Variants in CNTNAP2 observed in about 807,000 individuals in gnomAD.
CNTNAP2 encodes the protein contactin associated protein 2.
Under a neutral mutation model 155.2 loss-of-function variants are expected in CNTNAP2, and 98 were observed. That is an observed-to-expected ratio of 0.63 (90% confidence interval 0.54 to 0.75). The LOEUF (loss-of-function observed/expected upper bound fraction) is 0.75. Ranked by LOEUF, CNTNAP2 falls within the 30% of genes least tolerant of loss-of-function variation. The pLI is 0.00. For synonymous variants in CNTNAP2, 651 were observed against 631.2 expected (o/e 1.03, Z -0.47); for missense variants, 1,727 against 1,688.1 (o/e 1.02, Z -0.40).
intron 10 of CNTNAP2, among the ~76,000 whole-genome samples, chr7:147,445,981 G>T (rs1036437858): frequency 6.6e-6 from 1 of 151,982 alleles, no homozygotes; most frequent in African/African-American, 2.4e-5. Context: ...GGTTCTGAGT[G>T]GTTGTAGGAG....
chr7:146,206,192 T>C (rs148536630), intron 1 of CNTNAP2, among the ~76,000 whole-genome samples: 1,521 of 151,898 alleles, frequency 0.01, 85 homozygotes, highest in Admixed American at 0.091. Context: ...AAAGAAAGAG[T>C]GTGTTGAACC....
intron 1 of CNTNAP2, among the ~76,000 whole-genome samples, chr7:146,246,122 A>T (rs981456107): frequency 1.1e-4 from 17 of 151,720 alleles, no homozygotes; most frequent in African/African-American, 4.1e-4. Context: ...ATGCTATGGG[A>T]TGTGATATTG....
chr7:147,626,504 C>T (rs2116901709), intron 12 of CNTNAP2, among the ~76,000 whole-genome samples: 1 of 152,290 alleles, frequency 6.6e-6, no homozygotes, highest in East Asian at 1.9e-4. Context: ...CTCAGACCTG[C>T]ATAACCCTGC....
At chr7:146,198,229 C>T (rs1002089813) in intron 1 of CNTNAP2, among the ~76,000 whole-genome samples, 1 of 152,056 alleles carries the variant, frequency 6.6e-6, no homozygotes, top group Non-Finnish European at 1.5e-5. Context: ...CAGAAATATA[C>T]CCCATTTTGG....
intron 10 of CNTNAP2, among the ~76,000 whole-genome samples, chr7:147,453,824 AT>A (rs1188900424): frequency 6.6e-6 from 1 of 152,154 alleles, no homozygotes; most frequent in East Asian, 1.9e-4. Flanking sequence ...TCTTTAATGT[AT>A]TTTTAAATGA....
intron 22 of CNTNAP2, among the ~76,000 whole-genome samples, chr7:148,393,651 CAAA>C (rs1339030323): frequency 6.6e-6 from 1 of 152,148 alleles, no homozygotes; most frequent in Non-Finnish European, 1.5e-5. Flanking sequence ...GATACTACTA[CAAA>C]CCATCCTCTA....
intron 10 of CNTNAP2, among the ~76,000 whole-genome samples, chr7:147,465,582 A>T (rs1471857429): frequency 1.3e-5 from 2 of 152,264 alleles, no homozygotes; most frequent in African/African-American, 4.8e-5. Context: ...CAAATTGCTC[A>T]ATTTAAGCAT....
At chr7:146,246,878 C>A (rs568641123) in intron 1 of CNTNAP2, among the ~76,000 whole-genome samples, 66 of 152,276 alleles carry the variant, frequency 4.3e-4, no homozygotes, top group Admixed American at 7.2e-4. Flanking sequence ...GGAGGAACGC[C>A]TGGTCGCTGC....
chr7:147,449,447 C>A (rs1461629659), intron 10 of CNTNAP2, among the ~76,000 whole-genome samples: 1 of 151,968 alleles, frequency 6.6e-6, no homozygotes, highest in Non-Finnish European at 1.5e-5. Flanking sequence ...AGTGAGTTGA[C>A]TATAATGGTT....
intron 9 of CNTNAP2, among the ~76,000 whole-genome samples, chr7:147,382,875 CAAG>C (rs1434686104): frequency 1.3e-5 from 2 of 152,070 alleles, no homozygotes; most frequent in African/African-American, 2.4e-5. Context: ...GATAAATTAT[CAAG>C]AAGAGAGTGG....
At chr7:147,187,723 G>T (rs996064906) in intron 8 of CNTNAP2, among the ~76,000 whole-genome samples, 1 of 152,076 alleles carries the variant, frequency 6.6e-6, no homozygotes. Flanking sequence ...ACCTGCATCT[G>T]TACCCCTGAA....
chr7:147,491,932 T>G (rs553901362), intron 11 of CNTNAP2, among the ~76,000 whole-genome samples: 1 of 152,350 alleles, frequency 6.6e-6, no homozygotes, highest in Non-Finnish European at 1.5e-5. Context: ...TCTACATATT[T>G]CAAATTATCT....
intron 1 of CNTNAP2, among the ~76,000 whole-genome samples, chr7:146,522,681 A>G (rs1405917706): frequency 2.0e-5 from 3 of 151,804 alleles, no homozygotes; most frequent in African/African-American, 7.2e-5. Context: ...ATATAAGGAA[A>G]GAAAATTAGC....
At chr7:148,206,494 A>C (rs1795451854) in intron 18 of CNTNAP2, among the ~76,000 whole-genome samples, 1 of 152,124 alleles carries the variant, frequency 6.6e-6, no homozygotes, top group Non-Finnish European at 1.5e-5. Context: ...AAAAAATTTT[A>C]AAATAAGGGA....
At chr7:146,172,927 G>A (rs887317488) in intron 1 of CNTNAP2, among the ~76,000 whole-genome samples, 2 of 152,150 alleles carry the variant, frequency 1.3e-5, no homozygotes, top group African/African-American at 4.8e-5. Flanking sequence ...AACCTGAGAG[G>A]TCCTGAAGTA....
chr7:146,125,453 G>A (rs1269668547), intron 1 of CNTNAP2, among the ~76,000 whole-genome samples: 1 of 151,512 alleles, frequency 6.6e-6, no homozygotes, highest in Non-Finnish European at 1.5e-5. Flanking sequence ...GCGGGCGCCT[G>A]TAGTCCCAGC....
chr7:147,107,378 A>G lies in CNTNAP2; in HGVS notation c.551-769A>G, dbSNP rs528140514. The stretch of plus-strand genomic sequence containing the variant: ...TTTAAAAAGTTTACATACTTTCCTT[A>G]TTTTAATCTATTCCCCTGAAACTAA... On this transcript the variant is annotated intron_variant, in intron 4 of 23. Coordinates refer to ENST00000361727, the MANE Select transcript of CNTNAP2 (RefSeq NM_014141.6). Among the ~76,000 whole-genome samples the G allele has an allele frequency of 5.9e-5, 9 of 152,206 alleles. No homozygotes were observed. In the East Asian group the frequency reaches 1.7e-3, roughly 29 times the overall value.
chr7:148,268,633 C>A (rs967043059), intron 21 of CNTNAP2, among the ~76,000 whole-genome samples: 64 of 142,572 alleles, frequency 4.5e-4, no homozygotes, highest in Non-Finnish European at 8.5e-4. Flanking sequence ...CCAGCCTGGG[C>A]GACAGAGGGA....
At chr7:148,062,846 G>C (rs1206992864) in intron 15 of CNTNAP2, among the ~76,000 whole-genome samples, 1 of 152,080 alleles carries the variant, frequency 6.6e-6, no homozygotes, top group Non-Finnish European at 1.5e-5. Flanking sequence ...TTATAGTAGG[G>C]AGGATCAACA....
Sources: allele counts gnomAD v4.1 joint callset (sites outside exome capture counted in the v4.1 genomes callset), GRCh38; gene constraint gnomAD v4.1.1; transcripts MANE v1.5; gene names NCBI Gene and HGNC (gene_info 2026-07-23, HGNC 2026-07-21).